Variants in PCDH11X observed in about 807,000 individuals in gnomAD.
PCDH11X encodes the protein protocadherin-11 X-linked.
A neutral mutation model predicts 53.3 loss-of-function variants in PCDH11X; 18 were observed. The ratio of observed to expected loss-of-function variants is 0.34; its 90% CI spans 0.23 to 0.50. PCDH11X has a LOEUF of 0.50. PCDH11X is among the 20% of genes least tolerant of loss of function. The pLI is 0.98. For synonymous variants in PCDH11X, 279 were observed against 393.3 expected (o/e 0.71, Z 3.44); for missense variants, 570 against 1,032.4 (o/e 0.55, Z 6.14).
At chrX:92,249,428 G>GTATC (rs2067415972) in intron 7 of PCDH11X, among the ~76,000 whole-genome samples, 1 of 111,966 alleles carries the variant, frequency 8.9e-6, no homozygotes, top group Non-Finnish European at 1.9e-5. Flanking sequence ...GCAAATAAAG[G>GTATC]TATCTTTATG....
chrX:91,974,717 C>T (rs1350808803), intron 6 of PCDH11X, among the ~76,000 whole-genome samples: 1 of 108,659 alleles, frequency 9.2e-6, no homozygotes, highest in African/African-American at 3.3e-5. Context: ...AGGCCTTTGC[C>T]TAGAGGCGTG....
At chrX:92,045,666 G>A (rs1331573803) in intron 6 of PCDH11X, among the ~76,000 whole-genome samples, 2 of 103,715 alleles carry the variant, frequency 1.9e-5, no homozygotes, top group Non-Finnish European at 2.0e-5. Flanking sequence ...CAGGCCAGGC[G>A]TGGTGGCTCA....
chrX:92,560,181 A>G (rs2148761128), intron 10 of PCDH11X, among the ~76,000 whole-genome samples: 1 of 112,007 alleles, frequency 8.9e-6, no homozygotes, highest in South Asian at 3.8e-4. Flanking sequence ...TGTCTCACAG[A>G]TGACTTATCT....
chrX:91,848,094 C>T (rs755883158), intron 5 of PCDH11X, among the ~76,000 whole-genome samples: 78 of 111,863 alleles, frequency 7.0e-4, no homozygotes, highest in Middle Eastern at 4.6e-3. Flanking sequence ...GTGAGTATAG[C>T]CTGAAGACAG....
chrX:92,115,288 T>C (rs1047073535), intron 6 of PCDH11X, among the ~76,000 whole-genome samples: 2 of 110,892 alleles, frequency 1.8e-5, no homozygotes, highest in African/African-American at 6.6e-5. Context: ...TCAATAAATA[T>C]GTGTTAAATG....
intron 4 of PCDH11X, among the ~76,000 whole-genome samples, chrX:91,819,885 T>C (rs1177651908): frequency 1.0e-5 from 1 of 96,086 alleles, no homozygotes; most frequent in Admixed American, 1.2e-4. Flanking sequence ...TGTGATCTCA[T>C]TGTTCAGTTC....
intron 8 of PCDH11X, among the ~76,000 whole-genome samples, chrX:92,375,265 T>C (rs2070725325): frequency 1.1e-5 from 1 of 88,442 alleles, no homozygotes; most frequent in Non-Finnish European, 2.2e-5. Flanking sequence ...AAGCTCTGCC[T>C]CCTGGGTTCA....
intron 9 of PCDH11X, among the ~76,000 whole-genome samples, chrX:92,467,948 G>A (rs1181045117): frequency 9.0e-6 from 1 of 111,505 alleles, no homozygotes; most frequent in Non-Finnish European, 1.9e-5. Context: ...TGGTATGTCA[G>A]TAGAGGACTG....
intron 6 of PCDH11X, among the ~76,000 whole-genome samples, chrX:92,031,979 C>T (rs970084979): frequency 1.3e-4 from 14 of 111,414 alleles, no homozygotes; most frequent in Admixed American, 3.8e-4. Flanking sequence ...GTTTGGTGTT[C>T]GCATATAAAT....
chrX:92,299,603 A>C (rs1180661936), intron 8 of PCDH11X, among the ~76,000 whole-genome samples: 1 of 111,734 alleles, frequency 8.9e-6, no homozygotes, highest in African/African-American at 3.3e-5. Context: ...GCATACATAC[A>C]CATGTTCATA....
intron 6 of PCDH11X, among the ~76,000 whole-genome samples, chrX:92,030,197 G>A (rs1173219422): frequency 2.7e-5 from 3 of 111,580 alleles, no homozygotes; most frequent in Admixed American, 1.9e-4. Flanking sequence ...TCTTGACCTC[G>A]TGATCTGCCC....
At chrX:92,006,548 C>T (rs773590432) in intron 6 of PCDH11X, among the ~76,000 whole-genome samples, 2 of 111,020 alleles carry the variant, frequency 1.8e-5, no homozygotes, top group Non-Finnish European at 3.8e-5. Context: ...GTTTCCTCAA[C>T]ACAGCTATTT....
intron 6 of PCDH11X, among the ~76,000 whole-genome samples, chrX:91,900,185 C>G (rs1940901985): frequency 9.0e-6 from 1 of 110,564 alleles, no homozygotes; most frequent in Admixed American, 9.6e-5. Context: ...TCAGTTACCC[C>G]AGCAAACACT....
At chrX:92,265,338 C>A (rs898593750) in intron 8 of PCDH11X, among the ~76,000 whole-genome samples, 1 of 110,891 alleles carries the variant, frequency 9.0e-6, no homozygotes, top group Admixed American at 9.7e-5. Flanking sequence ...GGGACACATT[C>A]CACTTTTTTT....
At chrX:92,015,601 C>A (rs950572412) in intron 6 of PCDH11X, among the ~76,000 whole-genome samples, 1 of 112,076 alleles carries the variant, frequency 8.9e-6, no homozygotes, top group African/African-American at 3.2e-5. Context: ...ACTTTTTTAT[C>A]ATTCATAAGA....
chrX:91,910,990 G>A (rs780718900), intron 6 of PCDH11X, among the ~76,000 whole-genome samples: 6 of 110,448 alleles, frequency 5.4e-5, no homozygotes, highest in East Asian at 5.7e-4. Context: ...ACCTAAAAGC[G>A]GAACCAAAAC....
chrX:91,926,399 A>T (rs777459147), intron 6 of PCDH11X, among the ~76,000 whole-genome samples: 413 of 111,022 alleles, frequency 3.7e-3, no homozygotes, highest in Non-Finnish European at 5.3e-3. Context: ...ATATGCAAAA[A>T]CACCCTTCAA....
intron 8 of PCDH11X, among the ~76,000 whole-genome samples, chrX:92,284,853 A>G (rs967554386): frequency 5.4e-5 from 6 of 112,116 alleles, no homozygotes; most frequent in African/African-American, 1.9e-4. Context: ...TACATAAAAC[A>G]TTATATTATC....
At chrX:91,951,566 A>C (rs1186773969) in intron 6 of PCDH11X, among the ~76,000 whole-genome samples, 1 of 100,175 alleles carries the variant, frequency 1.0e-5, no homozygotes, top group Non-Finnish European at 2.0e-5. Flanking sequence ...CTAGTGTTGA[A>C]TCTTTTCTTC....
Sources: gnomAD v4.1 joint callset for allele counts (sites outside exome capture counted in the v4.1 genomes callset) on GRCh38, gnomAD v4.1.1 for gene constraint, MANE v1.5 for transcripts, NCBI Gene and HGNC (gene_info 2026-07-23, HGNC 2026-07-21) for gene names.